The following FAM222B variants were observed in gnomAD, a reference collection of about 807,000 sequenced individuals.
The protein encoded by FAM222B is family with sequence similarity 222 member B.
Under a neutral mutation model 38.0 loss-of-function variants are expected in FAM222B, and 12 were observed. That is an observed-to-expected ratio of 0.32 (90% CI 0.20 to 0.51). The LOEUF is 0.51. FAM222B is among the 20% of genes least tolerant of loss of function. The pLI is 0.97. For missense variants in FAM222B, 716 were observed against 754.2 expected (o/e 0.95, Z 0.59); for synonymous variants, 329 against 317.2 (o/e 1.04, Z -0.40).
intron 1 of FAM222B, among the ~76,000 whole-genome samples, chr17:28,794,508 C>A (rs2036848829): frequency 6.6e-6 from 1 of 152,102 alleles, no homozygotes; most frequent in African/African-American, 2.4e-5. Context: ...GCATGAGCCA[C>A]AGTGCCCGGC....
chr17:28,832,894 G>C (rs2038713141), intron 1 of FAM222B, among the ~76,000 whole-genome samples: 1 of 151,522 alleles, frequency 6.6e-6, no homozygotes, highest in Admixed American at 6.6e-5. Flanking sequence ...AGAAAGGCTG[G>C]GCACAGTGGC....
chr17:28,790,805 C>G (rs1195673831), intron 1 of FAM222B, among the ~76,000 whole-genome samples: 2 of 146,988 alleles, frequency 1.4e-5, no homozygotes, highest in African/African-American at 2.5e-5. Context: ...ATCAGGTCAG[C>G]AACACTGTCA....
chr17:28,772,323 C>G (rs538553711), intron 1 of FAM222B, among the ~76,000 whole-genome samples: 2 of 152,198 alleles, frequency 1.3e-5, no homozygotes, highest in East Asian at 1.9e-4. Flanking sequence ...AATCTCACAT[C>G]TATTAAATCC....
rs1029644526 is a variant in FAM222B, at chr17:28,798,976, T to TG, written c.-40-32270_-40-32269insC. Among the ~76,000 whole-genome samples the TG allele has an allele frequency of 1.9e-4, 28 of 146,734 alleles. No homozygotes were observed. The East Asian group carries it at 5.5e-3, about 29-fold the overall frequency. ...TGTTTTCAAGAATGGAATCCTGTTG[T>TG]TTTTTTTTTCTTTTTTTGGGATGGA... On this transcript the variant is annotated intron_variant, in intron 1 of 2. Transcript: ENST00000581407.
At position 28,768,704 on chromosome 17, in the gene FAM222B, C is replaced by T. The variant is rs558860248; in HGVS notation, c.-40-1997G>A. 8.6e-5 allele frequency among the ~76,000 whole-genome samples: 13 copies of T among 151,760 alleles called. No homozygotes were observed. The East Asian group carries it at 2.1e-3, about 25-fold the overall frequency. On this transcript the variant is annotated intron_variant, in intron 1 of 2. Transcript: ENST00000581407. The stretch of plus-strand genomic sequence containing the variant: ...ATACAAAATTAGCTGGGCATGGTGG[C>T]GCATGCCTGTAGTCCCAGCTACTCA...
At chr17:28,769,174 CTT>C (rs35918064) in intron 1 of FAM222B, among the ~76,000 whole-genome samples, 1 of 82,542 alleles carries the variant, frequency 1.2e-5, no homozygotes, top group African/African-American at 4.5e-5. Context: ...AATGTTAGTT[CTT>C]TTTTTTTTTT....
At chr17:28,809,928 A>G (rs1245617520) in intron 1 of FAM222B, among the ~76,000 whole-genome samples, 1 of 152,170 alleles carries the variant, frequency 6.6e-6, no homozygotes, top group Non-Finnish European at 1.5e-5. Context: ...GATATCAAAT[A>G]GAAGGGCAAA....
intron 1 of FAM222B, among the ~76,000 whole-genome samples, chr17:28,775,147 T>C (rs12943058): frequency 0.19 from 28,226 of 150,258 alleles, 2,779 homozygotes; most frequent in South Asian, 0.29. Flanking sequence ...ATTACAGGTG[T>C]GCACCACCAT....
At chr17:28,760,693 G>A (rs1404715895) in intron 2 of FAM222B, among the ~76,000 whole-genome samples, 1 of 152,214 alleles carries the variant, frequency 6.6e-6, no homozygotes, top group Admixed American at 6.5e-5. Flanking sequence ...TGGCCCTTCA[G>A]TCTAGAGGGT....
At chr17:28,795,828 A>G (rs1479324616) in intron 1 of FAM222B, among the ~76,000 whole-genome samples, 2 of 152,196 alleles carry the variant, frequency 1.3e-5, no homozygotes, top group Non-Finnish European at 2.9e-5. Flanking sequence ...AATTACTATA[A>G]TCTTAAAATT....
chr17:28,798,201 G>T lies in FAM222B; in HGVS notation c.-40-31494C>A, dbSNP rs900088163. On this transcript the variant is annotated intron_variant, in intron 1 of 2. Transcript: ENST00000581407. Reference sequence around the variant, plus strand: ...AGTCCAAGAGTTTGAGACCAGCCTGGCAAGAGCAAAACCTACTAAAAATAC... The same window carrying T: ...AGTCCAAGAGTTTGAGACCAGCCTGTCAAGAGCAAAACCTACTAAAAATAC... Among the ~76,000 whole-genome samples, 3 of 152,190 alleles carry T rather than the reference G, an allele frequency of 2.0e-5. No individual in the cohort carries two copies. In the South Asian group the frequency reaches 6.2e-4, roughly 32 times the overall value.
At chr17:28,811,310 G>A (rs1247989437) in intron 1 of FAM222B, among the ~76,000 whole-genome samples, 1 of 152,110 alleles carries the variant, frequency 6.6e-6, no homozygotes, top group East Asian at 1.9e-4. Flanking sequence ...TGTGGTGGCA[G>A]GCGCCTGTAA....
intron 1 of FAM222B, among the ~76,000 whole-genome samples, chr17:28,788,798 G>A (rs933871110): frequency 2.0e-5 from 3 of 151,998 alleles, no homozygotes. Flanking sequence ...CTGGAGCGCA[G>A]TGATGCAATA....
At chr17:28,792,394 T>G (rs1371594580) in intron 1 of FAM222B, among the ~76,000 whole-genome samples, 1 of 150,768 alleles carries the variant, frequency 6.6e-6, no homozygotes, top group Admixed American at 6.6e-5. Context: ...GTGGGAGAAT[T>G]TCTTAAACCC....
chr17:28,791,534 G>C (rs969004822), intron 1 of FAM222B, among the ~76,000 whole-genome samples: 4 of 151,932 alleles, frequency 2.6e-5, no homozygotes, highest in Non-Finnish European at 5.9e-5. Flanking sequence ...TTATTCTAAA[G>C]ATAGAGAATT....
At chr17:28,778,891 T>C (rs1210421139) in intron 1 of FAM222B, among the ~76,000 whole-genome samples, 1 of 151,028 alleles carries the variant, frequency 6.6e-6, no homozygotes, top group Admixed American at 6.6e-5. Flanking sequence ...TATAATAGAC[T>C]TGAGGTTTCA....
At chr17:28,818,281 C>T (rs1387667537) in intron 1 of FAM222B, among the ~76,000 whole-genome samples, 1 of 152,052 alleles carries the variant, frequency 6.6e-6, no homozygotes, top group Non-Finnish European at 1.5e-5. Flanking sequence ...GTAATCCCAG[C>T]ACTTTGGGAG....
At chr17:28,828,395 T>C (rs2038520420) in intron 1 of FAM222B, among the ~76,000 whole-genome samples, 1 of 151,068 alleles carries the variant, frequency 6.6e-6, no homozygotes, top group Admixed American at 6.6e-5. Context: ...AAACCCCATC[T>C]CTAAAAAAAA....
chr17:28,832,354 A>C (rs2038697595), intron 1 of FAM222B, among the ~76,000 whole-genome samples: 1 of 152,224 alleles, frequency 6.6e-6, no homozygotes, highest in East Asian at 1.9e-4. Flanking sequence ...GTTTTATTTA[A>C]AGATATGTAT....
Sources: allele counts gnomAD v4.1 joint callset (sites outside exome capture counted in the v4.1 genomes callset), GRCh38; gene constraint gnomAD v4.1.1; transcripts MANE v1.5; gene names NCBI Gene and HGNC (gene_info 2026-07-23, HGNC 2026-07-21).